DOCK8: variants seen among roughly 807,000 people sequenced by gnomAD.
The protein encoded by DOCK8 is dedicator of cytokinesis protein 8.
Under a neutral mutation model 245.6 loss-of-function variants are expected in DOCK8, and 141 were observed. The ratio of observed to expected loss-of-function variants is 0.57; its 90% CI spans 0.50 to 0.66. The LOEUF (loss-of-function observed/expected upper bound fraction) is 0.66, where lower values mean the gene tolerates loss of function less well. Among genes scored for constraint, DOCK8 ranks in the 30% least tolerant of loss-of-function variants. The pLI is 0.00. For synonymous variants in DOCK8, 1,168 were observed against 970.2 expected (o/e 1.20, Z -3.79); for missense variants, 2,965 against 2,603.4 (o/e 1.14, Z -3.02).
rs636918 is a variant in DOCK8, at chr9:274,641, T to A, written c.156+2912T>A. 8.6e-3 allele frequency among the ~76,000 whole-genome samples: 1,300 copies of A among 151,868 alleles called. 8 individuals carry two copies. The highest frequency in any genetic ancestry group is 0.013 in the Non-Finnish European group (875 of 67,926). On this transcript the variant is annotated intron_variant, in intron 2 of 47. Transcript: ENST00000432829. Reference sequence around the variant, plus strand: ...TTCCCCAAAAGAAATCATCAACTTATGTGGTGATTTCCTTTTACCTTTAAA... The same window carrying A: ...TTCCCCAAAAGAAATCATCAACTTAAGTGGTGATTTCCTTTTACCTTTAAA...
At chr9:300,229 A>G (rs1421060161) in intron 4 of DOCK8, among the ~76,000 whole-genome samples, 2 of 152,324 alleles carry the variant, frequency 1.3e-5, no homozygotes, top group East Asian at 1.9e-4. Context: ...AATTCAGTCA[A>G]CTAAAATTGG....
chr9:428,076 C>G (rs2056564815), intron 34 of DOCK8, among the ~76,000 whole-genome samples: 2 of 152,210 alleles, frequency 1.3e-5, no homozygotes, highest in Admixed American at 1.3e-4. Context: ...AAAGAAAGAA[C>G]TTTCCAAAAG....
chr9:387,534 G>A (rs2054006117), intron 23 of DOCK8, among the ~76,000 whole-genome samples: 2 of 152,228 alleles, frequency 1.3e-5, no homozygotes, highest in South Asian at 2.1e-4. Flanking sequence ...ACAGGGAAAT[G>A]TTTATTAAAC....
intron 34 of DOCK8, 126 bp from the exon 35 acceptor site, chr9:428,236 G>T: frequency 6.9e-7 from 1 of 1,451,314 alleles, no homozygotes. Flanking sequence ...ACCCATGGTG[G>T]CTCACCAAAC....
chr9:372,206 G>T lies in DOCK8; in HGVS notation c.2029G>T (p.Glu677Ter). 1 of 1,614,024 alleles carries T rather than the reference G, an allele frequency of 6.2e-7. No individual in the cohort carries two copies. The highest frequency in any genetic ancestry group is 1.1e-5 in the South Asian group (1 of 91,074). ...TCAGTGGCTGCCAATTCTCTTAAAT[G>T]AACGTCTTCAAACTGGATCCTACTG... ...GYSWLPILLNERLQTGSYCLP... is the reference protein window; with the variant it reads ...GYSWLPILLN The change falls in exon 18 of 48, where the codon GAA (glutamate) becomes TAA (stop). Residue 677 changes from glutamate (E) to a stop codon, truncating the protein, a stop_gained. Coordinates refer to ENST00000432829, the MANE Select transcript of DOCK8 (RefSeq NM_203447.4). LOFTEE classifies it high-confidence loss of function.
chr9:214,249 C>A, upstream of DOCK8: 1 of 478,480 alleles, frequency 2.1e-6, no homozygotes, highest in Non-Finnish European at 3.7e-6. Context: ...CGCAGCGTAC[C>A]CTTGAATCGC....
intron 1 of DOCK8, among the ~76,000 whole-genome samples, chr9:232,426 G>A (rs1399240062): frequency 6.6e-6 from 1 of 152,174 alleles, no homozygotes; most frequent in African/African-American, 2.4e-5. Flanking sequence ...GAGTTAGGGA[G>A]TATTCCCTCT....
At chr9:221,375 GA>G (rs755289788) in intron 1 of DOCK8, among the ~76,000 whole-genome samples, 1 of 151,854 alleles carries the variant, frequency 6.6e-6, no homozygotes, top group Non-Finnish European at 1.5e-5. Flanking sequence ...AAAATATTTG[GA>G]AAAAAATGTA....
intron 1 of DOCK8, among the ~76,000 whole-genome samples, chr9:261,853 T>C (rs1216827980): frequency 2.0e-5 from 3 of 152,186 alleles, no homozygotes; most frequent in Admixed American, 6.5e-5. Flanking sequence ...GTCTCTCTCT[T>C]CGGTAATGCT....
chr9:463,502 AT>A lies in DOCK8; in HGVS notation c.6069-14del. On this transcript the variant is annotated splice_polypyrimidine_tract_variant and intron_variant, in intron 46 of 47. Transcript: ENST00000432829. Reference sequence around the variant, plus strand: ...AAAGTCATTTATTTCTCCCACACTGATATTTTCATCTCAGATGTGGTGAAGC... The same window carrying A: ...AAAGTCATTTATTTCTCCCACACTGAATTTTCATCTCAGATGTGGTGAAGC... The A allele has an allele frequency of 3.1e-6, 5 of 1,614,140 alleles. No homozygotes were observed. Among genetic ancestry groups the A allele is most frequent in the Non-Finnish European group, 4.2e-6 (5 of 1,179,990 alleles).
chr9:320,091 G>A (rs979680251), intron 7 of DOCK8, among the ~76,000 whole-genome samples: 1 of 152,222 alleles, frequency 6.6e-6, no homozygotes, highest in Non-Finnish European at 1.5e-5. Flanking sequence ...TACACTTAAA[G>A]AACAAACACT....
chr9:297,365 C>G (rs2130480039), intron 4 of DOCK8, among the ~76,000 whole-genome samples: 1 of 152,294 alleles, frequency 6.6e-6, no homozygotes, highest in African/African-American at 2.4e-5. Flanking sequence ...CTGCACCACA[C>G]TGTCTTTAAA....
chr9:384,399 G>A (rs1188625493), intron 22 of DOCK8, among the ~76,000 whole-genome samples: 1 of 152,166 alleles, frequency 6.6e-6, no homozygotes, highest in African/African-American at 2.4e-5. Context: ...AAATCTCTAG[G>A]TTTAGACACA....
chr9:301,389 A>G (rs1277516954), intron 4 of DOCK8, among the ~76,000 whole-genome samples: 1 of 152,246 alleles, frequency 6.6e-6, no homozygotes, highest in African/African-American at 2.4e-5. Context: ...AGCCAACATC[A>G]TACTGAGTGG....
intron 8 of DOCK8, among the ~76,000 whole-genome samples, chr9:327,623 G>A (rs904554056): frequency 3.9e-5 from 6 of 151,996 alleles, no homozygotes; most frequent in Non-Finnish European, 5.9e-5. Flanking sequence ...TTTCAAACTC[G>A]TGAGCTCAAG....
At chr9:412,544 C>CTAA (rs2055789630) in intron 28 of DOCK8, among the ~76,000 whole-genome samples, 1 of 151,982 alleles carries the variant, frequency 6.6e-6, no homozygotes, top group African/African-American at 2.4e-5. Flanking sequence ...TCCATTACAA[C>CTAA]TAATAAATGA....
At chr9:390,225 A>G (rs963432766) in intron 23 of DOCK8, among the ~76,000 whole-genome samples, 5 of 152,062 alleles carry the variant, frequency 3.3e-5, no homozygotes, top group East Asian at 3.9e-4. Flanking sequence ...GGCTGAGTCC[A>G]CTCCCTCAGA....
chr9:232,629 G>A (rs62531266), intron 1 of DOCK8, among the ~76,000 whole-genome samples: 11,439 of 152,140 alleles, frequency 0.075, 449 homozygotes, highest in African/African-American at 0.11. Flanking sequence ...TCTTGGGAGG[G>A]TGTATGTGTC....
intron 10 of DOCK8, among the ~76,000 whole-genome samples, chr9:333,479 T>C (rs1321994115): frequency 2.6e-5 from 4 of 152,058 alleles, no homozygotes; most frequent in Non-Finnish European, 5.9e-5. Context: ...CACGTGCCTG[T>C]ATTCCCAGCT....
Sources: allele counts gnomAD v4.1 joint callset (sites outside exome capture counted in the v4.1 genomes callset), GRCh38; gene constraint gnomAD v4.1.1; transcripts MANE v1.5; gene names NCBI Gene and HGNC (gene_info 2026-07-23, HGNC 2026-07-21).